GALNT13: variants seen among roughly 807,000 people sequenced by gnomAD.
GALNT13 encodes UDP-GalNAc:polypeptide N-acetylgalactosaminyltransferase 13.
Under a neutral mutation model 64.2 loss-of-function variants are expected in GALNT13, and 28 were observed. The observed-to-expected ratio is 0.44, with a 90% confidence interval of 0.32 to 0.60. The LOEUF (loss-of-function observed/expected upper bound fraction) is 0.60. GALNT13 is among the 20% of genes least tolerant of loss of function. The pLI is 0.05. For synonymous variants in GALNT13, 214 were observed against 224.6 expected (o/e 0.95, Z 0.42); for missense variants, 577 against 669.8 (o/e 0.86, Z 1.53).
the GALNT13 span, among the ~76,000 whole-genome samples, chr2:153,410,840 T>C: frequency 6.6e-6 from 1 of 151,348 alleles, no homozygotes; most frequent in African/African-American, 2.4e-5. Context: ...GAAAAATATT[T>C]ACACACACAC....
the GALNT13 span, among the ~76,000 whole-genome samples, chr2:153,234,142 C>T: frequency 2.0e-5 from 3 of 152,154 alleles, no homozygotes; most frequent in African/African-American, 7.2e-5. Flanking sequence ...AAATTGCCTT[C>T]TCTTTATGTA....
At chr2:153,091,169 T>C in the GALNT13 span, among the ~76,000 whole-genome samples, 2 of 152,074 alleles carry the variant, frequency 1.3e-5, no homozygotes, top group African/African-American at 2.4e-5. Context: ...TCAATTTCAG[T>C]TGGAAGATTC....
chr2:154,212,226 G>A (rs1363574577), intron 4 of GALNT13, among the ~76,000 whole-genome samples: 3 of 151,918 alleles, frequency 2.0e-5, no homozygotes, highest in South Asian at 4.1e-4. Context: ...GTAGGGGGTA[G>A]CGTTTTGAAG....
the GALNT13 span, among the ~76,000 whole-genome samples, chr2:153,236,589 T>G: frequency 6.6e-6 from 1 of 152,118 alleles, no homozygotes; most frequent in Non-Finnish European, 1.5e-5. Context: ...CAACAAGGCC[T>G]GTATGACAGC....
At chr2:153,297,725 C>T in the GALNT13 span, among the ~76,000 whole-genome samples, 1 of 152,144 alleles carries the variant, frequency 6.6e-6, no homozygotes, top group African/African-American at 2.4e-5. Context: ...CATTCAGGCT[C>T]CACTAAAGGA....
intron 9 of GALNT13, among the ~76,000 whole-genome samples, chr2:154,320,033 A>G (rs1234973450): frequency 6.6e-6 from 1 of 152,072 alleles, no homozygotes; most frequent in Non-Finnish European, 1.5e-5. Flanking sequence ...ATATATCATG[A>G]GTCCTAATTT....
At chr2:153,606,049 A>G in the GALNT13 span, among the ~76,000 whole-genome samples, 1 of 152,082 alleles carries the variant, frequency 6.6e-6, no homozygotes, top group South Asian at 2.1e-4. Context: ...TATACTCTTT[A>G]GTATATCTAC....
At chr2:153,521,123 G>C in the GALNT13 span, among the ~76,000 whole-genome samples, 1 of 152,174 alleles carries the variant, frequency 6.6e-6, no homozygotes, top group Non-Finnish European at 1.5e-5. Context: ...AAGTATCCTT[G>C]TAAGTTATAT....
At chr2:153,766,393 G>A in the GALNT13 span, among the ~76,000 whole-genome samples, 6 of 152,028 alleles carry the variant, frequency 3.9e-5, no homozygotes, top group East Asian at 3.9e-4. Context: ...GCACATAGTC[G>A]TTGGCATTGT....
At chr2:153,435,042 A>G in the GALNT13 span, among the ~76,000 whole-genome samples, 1 of 152,276 alleles carries the variant, frequency 6.6e-6, no homozygotes, top group South Asian at 2.1e-4. Flanking sequence ...TCAGCTTTCT[A>G]CATATGGCTA....
At position 153,884,856 on chromosome 2, in the gene GALNT13, T is replaced by TACAC. The variant is rs144324984; in HGVS notation, c.-177+12579_-177+12582dup. Among the ~76,000 whole-genome samples the TACAC allele has an allele frequency of 1.2e-3, 144 of 120,524 alleles. 1 individual carries two copies. The highest frequency in any genetic ancestry group is 3.2e-3 in the African/African-American group (94 of 29,838). 79.1% of individuals were successfully genotyped at this position (120,524 alleles called of 152,430 possible). ...GTGTGTGTGTGTGTATATATGTATA[T>TACAC]ACACACACACACACACACACACACA... On this transcript the variant is annotated intron_variant, in intron 1 of 12. Coordinates refer to ENST00000392825, the MANE Select transcript of GALNT13 (RefSeq NM_052917.4).
chr2:153,185,139 A>G, the GALNT13 span, among the ~76,000 whole-genome samples: 1 of 151,358 alleles, frequency 6.6e-6, no homozygotes, highest in South Asian at 2.1e-4. Flanking sequence ...CAATTTCAGA[A>G]CTCGTTATTG....
At chr2:153,518,218 G>GT in the GALNT13 span, among the ~76,000 whole-genome samples, 1 of 151,998 alleles carries the variant, frequency 6.6e-6, no homozygotes, top group Non-Finnish European at 1.5e-5. Context: ...ATCCAAATAT[G>GT]TTCTTCTATT....
the GALNT13 span, among the ~76,000 whole-genome samples, chr2:153,261,518 T>C: frequency 6.6e-6 from 1 of 152,162 alleles, no homozygotes; most frequent in Admixed American, 6.5e-5. Flanking sequence ...TTCCCTTACT[T>C]TCCCTCAAAC....
At chr2:153,221,791 G>A in the GALNT13 span, among the ~76,000 whole-genome samples, 2 of 152,190 alleles carry the variant, frequency 1.3e-5, no homozygotes, top group Non-Finnish European at 2.9e-5. Flanking sequence ...CACTGGCTCC[G>A]TGCAAGCCTG....
the GALNT13 span, among the ~76,000 whole-genome samples, chr2:153,084,880 G>A: frequency 6.6e-6 from 1 of 152,210 alleles, no homozygotes; most frequent in Non-Finnish European, 1.5e-5. Flanking sequence ...CCAGAAATGG[G>A]GAAGTAACTT....
intron 3 of GALNT13, among the ~76,000 whole-genome samples, chr2:153,988,586 G>T (rs965591275): frequency 5.9e-5 from 9 of 151,848 alleles, no homozygotes; most frequent in Non-Finnish European, 5.9e-5. Flanking sequence ...GGGCACATAG[G>T]TTGATCATGG....
intron 11 of GALNT13, among the ~76,000 whole-genome samples, chr2:154,434,411 C>G (rs1188076689): frequency 1.3e-5 from 2 of 152,130 alleles, no homozygotes; most frequent in South Asian, 2.1e-4. Flanking sequence ...AGGCGCCCAC[C>G]ACCACACCCT....
the GALNT13 span, among the ~76,000 whole-genome samples, chr2:153,628,707 TG>T: frequency 6.6e-6 from 1 of 152,198 alleles, no homozygotes; most frequent in Non-Finnish European, 1.5e-5. Context: ...CACTTGGTCA[TG>T]GTGAATAAGC....
Sources: gnomAD v4.1 joint callset for allele counts (sites outside exome capture counted in the v4.1 genomes callset) on GRCh38, gnomAD v4.1.1 for gene constraint, MANE v1.5 for transcripts, NCBI Gene and HGNC (gene_info 2026-07-23, HGNC 2026-07-21) for gene names.